The following PXK variants were observed in gnomAD, a reference collection of about 807,000 sequenced individuals.
PXK encodes PX domain containing serine/threonine kinase like, also known as PX domain-containing protein kinase-like protein.
PXK carries 35 observed loss-of-function variants against 84.7 expected under a neutral mutation model. That is an observed-to-expected ratio of 0.41 (90% CI 0.32 to 0.55). PXK has a LOEUF of 0.55. Ranked by LOEUF, PXK falls within the 20% of genes least tolerant of loss-of-function variation. PXK has a pLI of 0.21. For missense variants in PXK, 634 were observed against 699.7 expected, an observed-to-expected ratio of 0.91 and a Z score of 1.06; for synonymous variants, 253 against 260.8, an observed-to-expected ratio of 0.97 and a Z score of 0.29.
chr3:58,359,892 A>G (rs1019645681), intron 1 of PXK, among the ~76,000 whole-genome samples: 2 of 152,204 alleles, frequency 1.3e-5, no homozygotes, highest in African/African-American at 4.8e-5. Flanking sequence ...TCATGCCTAT[A>G]ATCCCAGCAC....
At position 58,333,084 on chromosome 3, in the gene PXK, C is replaced by T; in HGVS notation, c.96C>T (p.Ser32=). ...TCGAGGCGAGCCAGAGCCTGCAGTC[C>T]CACACGGTGCGCGGCCCAGCGGGCG... ...AAIEASQSLQ[S]HTEYIIRVQR... Residue 32 remains serine (S), a synonymous_variant, in exon 1 of 18, where the codon TCC becomes TCT. Coordinates refer to ENST00000356151, the MANE Select transcript of PXK (RefSeq NM_017771.5). The surrounding 1 kb of genome is among the most constrained non-coding windows in gnomAD (Gnocchi z 5.4). 8.0e-7 allele frequency: 1 copy of T among 1,254,320 alleles called. No individual in the cohort carries two copies. Among genetic ancestry groups the T allele is most frequent in the Non-Finnish European group, 1.0e-6 (1 of 983,790 alleles). 77.7% of individuals were successfully genotyped at this position (1,254,320 alleles called of 1,614,324 possible).
chr3:58,399,261 G>A lies in PXK; in HGVS notation c.1103-38G>A, dbSNP rs183712349. On this transcript the variant is annotated intron_variant, in intron 11 of 17. Transcript: ENST00000356151. This position sits in a 1 kb window ranked among gnomAD's most constrained non-coding sequence, Gnocchi z 4.3. ...CATCAGCAAGTGGATTTGCCAGCGT[G>A]TTCTGTGGAACTAAAATGTGTATCT... 1.3e-3 allele frequency: 2,060 copies of A among 1,583,564 alleles called. 2 individuals carry two copies. The highest frequency in any genetic ancestry group is 1.6e-3 in the Non-Finnish European group (1,820 of 1,152,276).
chr3:58,334,705 C>CT (rs1421105914), intron 1 of PXK, among the ~76,000 whole-genome samples: 1 of 152,192 alleles, frequency 6.6e-6, no homozygotes, highest in African/African-American at 2.4e-5. Context: ...CACCAGGCTA[C>CT]AAGAGGAGGG....
chr3:58,381,555 CAAAAA>C (rs34125797), intron 3 of PXK, among the ~76,000 whole-genome samples: 9 of 120,916 alleles, frequency 7.4e-5, no homozygotes, highest in Non-Finnish European at 9.8e-5. Flanking sequence ...AATAGAAAAC[CAAAAA>C]AAAAAAAAAA....
chr3:58,397,152 C>T lies in PXK; in HGVS notation c.936C>T (p.Gly312=), dbSNP rs367623833. The part of the protein sequence containing the change: ...RLLDLENSLL[G]LPSFYRSYFS... ...TGGACCTTGAGAATTCCTTATTGGG[C>T]CTGCCTTCCTTCTACCGATCTTATT... Residue 312 remains glycine (G), a synonymous_variant, in exon 10 of 18, where the codon GGC becomes GGT. Transcript: ENST00000356151. The surrounding 1 kb of genome is among the most constrained non-coding windows in gnomAD (Gnocchi z 4.7). 2 of 1,613,980 alleles carry T rather than the reference C, an allele frequency of 1.2e-6. No homozygotes were observed. Among genetic ancestry groups the T allele is most frequent in the Non-Finnish European group, 1.7e-6 (2 of 1,179,990 alleles).
chr3:58,394,738 A>T (rs11714574), intron 7 of PXK, among the ~76,000 whole-genome samples: 66,699 of 151,950 alleles, frequency 0.44, 15,289 homozygotes, highest in East Asian at 0.8. Context: ...GGACCCCTTC[A>T]CTTGTGGAGT....
chr3:58,361,574 A>G (rs926685239), intron 1 of PXK, among the ~76,000 whole-genome samples: 1 of 152,208 alleles, frequency 6.6e-6, no homozygotes, highest in Non-Finnish European at 1.5e-5. Flanking sequence ...TCACTTCAAG[A>G]ATGTTATATA....
In PXK at chr3:58,394,990, T is replaced by G; in HGVS notation, c.616-8T>G. The G allele has an allele frequency of 6.3e-7, 1 of 1,598,418 alleles. No individual in the cohort carries two copies. Among genetic ancestry groups the G allele is most frequent in the East Asian group, 2.2e-5 (1 of 44,578 alleles). ...AAATCAATGTGAATTTCTTTTTTGT[T>G]TTGACAGCACCCTTACATCTATCGG... On this transcript the variant is annotated splice_region_variant and splice_polypyrimidine_tract_variant and intron_variant, in intron 7 of 17. Coordinates refer to ENST00000356151, the MANE Select transcript of PXK (RefSeq NM_017771.5).
chr3:58,360,422 A>G (rs78559091), intron 1 of PXK, among the ~76,000 whole-genome samples: 3,833 of 152,296 alleles, frequency 0.025, 158 homozygotes, highest in African/African-American at 0.087. Flanking sequence ...TAAATAACCT[A>G]TTTAAATCAG....
intron 17 of PXK, chr3:58,422,490 T>C (rs73085835): frequency 0.018 from 18,127 of 985,382 alleles, 179 homozygotes; most frequent in Non-Finnish European, 0.021. Context: ...CTGGAGCCCT[T>C]TGGACAGTGT....
chr3:58,412,547 A>G lies in PXK; in HGVS notation c.1466-354A>G, dbSNP rs1468268883. On this transcript the variant is annotated intron_variant, in intron 16 of 17. Transcript: ENST00000356151. The surrounding 1 kb of genome is among the most constrained non-coding windows in gnomAD (Gnocchi z 6.2). ...TCTGCACCTCTCTGTCTGCTGTACC[A>G]CTTGTGGCTTCTGTCATTTGTCATT... Among the ~76,000 whole-genome samples the G allele has an allele frequency of 4.6e-5, 7 of 152,088 alleles. No homozygotes were observed. The highest frequency in any genetic ancestry group is 1.4e-4 in the African/African-American group (6 of 41,388).
intron 17 of PXK, chr3:58,423,194 C>T: frequency 2.0e-6 from 2 of 984,566 alleles, no homozygotes; most frequent in East Asian, 1.1e-4. Flanking sequence ...ATCACACATG[C>T]TTATTCTCCG....
rs556110175 is a variant in PXK, at chr3:58,409,954, A to G, written c.1396-136A>G. The G allele has an allele frequency of 8.5e-5, 54 of 636,966 alleles. No homozygotes were observed. The highest frequency in any genetic ancestry group is 7.2e-4 in the South Asian group (37 of 51,062). The allele number at this position is 636,966 out of a possible 1,614,324, so 39.5% of individuals were successfully genotyped here. A position where few individuals can be genotyped will look rare whatever the true frequency, so the allele number is the denominator to read the frequency against. On this transcript the variant is annotated intron_variant, in intron 15 of 17. Coordinates refer to ENST00000356151, the MANE Select transcript of PXK (RefSeq NM_017771.5). This position sits in a 1 kb window ranked among gnomAD's most constrained non-coding sequence, Gnocchi z 4.2. The stretch of plus-strand genomic sequence containing the variant: ...TGTGACTTCTTCACTGTGTTAAGTT[A>G]TGGGGCTGAATATTACCTTGTCTGC...
rs768993555 is a variant in PXK, at chr3:58,424,733, TCC to T, written c.1529-15_1529-14del. The T allele has an allele frequency of 1.9e-6, 3 of 1,610,664 alleles. No individual in the cohort carries two copies. The highest frequency in any genetic ancestry group is 2.2e-5 in the South Asian group (2 of 90,554). On this transcript the variant is annotated splice_polypyrimidine_tract_variant and intron_variant, in intron 17 of 17. Transcript: ENST00000356151. ...CAGCTGTGGAGGTGAATACTGATTGTCCCCCTTTTCCTCCACAGGGATATCTG... is the reference window on the plus strand; with the variant it reads ...CAGCTGTGGAGGTGAATACTGATTGTCCCTTTTCCTCCACAGGGATATCTG...
intron 1 of PXK, among the ~76,000 whole-genome samples, chr3:58,358,267 C>T (rs116688012): frequency 0.014 from 2,152 of 152,276 alleles, 63 homozygotes; most frequent in African/African-American, 0.049. Flanking sequence ...TTACTTGAAA[C>T]CTTCCACCAG....
Position 58,399,266 on chromosome 3 carries a change from GT to G in PXK, c.1103-32del. The G allele has an allele frequency of 6.3e-7, 1 of 1,595,738 alleles. No individual in the cohort carries two copies. Among genetic ancestry groups the G allele is most frequent in the African/African-American group, 1.3e-5 (1 of 74,586 alleles). ...GCAAGTGGATTTGCCAGCGTGTTCTGTGGAACTAAAATGTGTATCTGTTCAT... is the reference window on the plus strand; with the variant it reads ...GCAAGTGGATTTGCCAGCGTGTTCTGGGAACTAAAATGTGTATCTGTTCAT... On this transcript the variant is annotated intron_variant, in intron 11 of 17. Transcript: ENST00000356151. The surrounding 1 kb of genome is among the most constrained non-coding windows in gnomAD (Gnocchi z 4.3).
chr3:58,349,608 G>A (rs572710600), intron 1 of PXK, among the ~76,000 whole-genome samples: 4 of 152,004 alleles, frequency 2.6e-5, no homozygotes, highest in East Asian at 3.9e-4. Flanking sequence ...TACCCTCCTC[G>A]GCTTCCCAAA....
intron 1 of PXK, among the ~76,000 whole-genome samples, chr3:58,346,332 G>A (rs1365981041): frequency 1.3e-5 from 2 of 152,056 alleles, no homozygotes; most frequent in Non-Finnish European, 2.9e-5. Flanking sequence ...GGAGAGAAGA[G>A]AGTCAAGGAT....
rs547039385 is a variant in PXK at position 58,390,733 on chromosome 3, C to T, written c.466+74C>T. On this transcript the variant is annotated intron_variant, in intron 5 of 17. Transcript: ENST00000356151. The surrounding 1 kb of genome is among the most constrained non-coding windows in gnomAD (Gnocchi z 4.2). ...GGATCCTTAGTCATGCTTTCTGATA[C>T]GTATCCCAGGAACATGCTTAAATGC... 40 of 1,381,902 alleles carry T rather than the reference C, an allele frequency of 2.9e-5. 1 individual carries two copies. Among genetic ancestry groups the T allele is most frequent in the Middle Eastern group, 1.8e-4 (1 of 5,424 alleles). 85.6% of individuals were successfully genotyped at this position (1,381,902 alleles called of 1,614,324 possible).
Sources: allele counts gnomAD v4.1 joint callset (sites outside exome capture counted in the v4.1 genomes callset), GRCh38; gene constraint gnomAD v4.1.1; non-coding constraint Gnocchi (gnomAD v3.1); transcripts MANE v1.5; gene names NCBI Gene and HGNC (gene_info 2026-07-23, HGNC 2026-07-21).